Variants in FGF14 observed in about 807,000 individuals in gnomAD.
FGF14 encodes fibroblast growth factor homologous factor 4.
A neutral mutation model predicts 25.5 loss-of-function variants in FGF14; 5 were observed. The ratio of observed to expected loss-of-function variants is 0.20; its 90% CI spans 0.10 to 0.41. FGF14 has a LOEUF of 0.41. Ranked by LOEUF, FGF14 falls within the 10% of genes least tolerant of loss-of-function variation. The probability of loss-of-function intolerance (pLI) is 1.00; values close to 1 mark genes in which losing one functional copy is unlikely to be tolerated. For missense variants in FGF14, 222 were observed against 320.1 expected (o/e 0.69, Z 2.34); for synonymous variants, 138 against 118.3 (o/e 1.17, Z -1.08).
chr13:102,101,564 C>A (rs2044663452), intron 1 of FGF14, among the ~76,000 whole-genome samples: 2 of 152,146 alleles, frequency 1.3e-5, no homozygotes, highest in Admixed American at 6.6e-5. Flanking sequence ...TGTACCCATT[C>A]TTTATCTCAA....
chr13:101,726,948 A>G (rs2035479375), intron 3 of FGF14, 138 bp from the exon 4 acceptor site: 1 of 632,372 alleles, frequency 1.6e-6, no homozygotes, highest in Non-Finnish European at 2.8e-6. Flanking sequence ...CTTCCTGCGC[A>G]CAGTAATTGT....
intron 3 of FGF14, among the ~76,000 whole-genome samples, chr13:101,810,132 G>A (rs1012130377): frequency 1.3e-5 from 2 of 152,110 alleles, no homozygotes; most frequent in Admixed American, 1.3e-4. Flanking sequence ...AGAATTTCTA[G>A]GTCCAAAAGT....
At chr13:102,110,670 A>G (rs551454264) in intron 1 of FGF14, among the ~76,000 whole-genome samples, 3 of 152,048 alleles carry the variant, frequency 2.0e-5, no homozygotes, top group African/African-American at 7.2e-5. Context: ...TGATTTCTCA[A>G]TGTCTGTCAT....
At chr13:102,318,394 C>T (rs1182733970) in intron 1 of FGF14, among the ~76,000 whole-genome samples, 3 of 152,204 alleles carry the variant, frequency 2.0e-5, no homozygotes, top group Non-Finnish European at 4.4e-5. Context: ...GCACCATCAG[C>T]TGCGTGGCCT....
intron 1 of FGF14, among the ~76,000 whole-genome samples, chr13:101,973,616 G>T (rs1176612009): frequency 6.6e-6 from 1 of 152,300 alleles, no homozygotes; most frequent in East Asian, 1.9e-4. Context: ...TTGAGGGCAG[G>T]AAGCATCCAG....
intron 1 of FGF14, among the ~76,000 whole-genome samples, chr13:102,208,441 C>A (rs1946349417): frequency 6.6e-6 from 1 of 152,148 alleles, no homozygotes; most frequent in African/African-American, 2.4e-5. Flanking sequence ...TACATATTAG[C>A]AGATCACACA....
At chr13:102,113,343 T>C (rs762330736) in intron 1 of FGF14, among the ~76,000 whole-genome samples, 5 of 152,206 alleles carry the variant, frequency 3.3e-5, no homozygotes, top group Non-Finnish European at 7.3e-5. Context: ...CTTCCTAACC[T>C]GTCCCTCTGT....
intron 1 of FGF14, among the ~76,000 whole-genome samples, chr13:102,146,131 T>C (rs1454675865): frequency 2.0e-5 from 3 of 152,232 alleles, no homozygotes; most frequent in Non-Finnish European, 4.4e-5. Flanking sequence ...ACAAAGTCAC[T>C]TCACAATGAC....
chr13:102,390,848 G>A (rs1467276938), intron 1 of FGF14, among the ~76,000 whole-genome samples: 2 of 151,976 alleles, frequency 1.3e-5, no homozygotes, highest in Non-Finnish European at 2.9e-5. Context: ...TTCGTTAACG[G>A]GAAAACTAGG....
chr13:102,282,713 C>T (rs1443273838), intron 1 of FGF14, among the ~76,000 whole-genome samples: 1 of 152,012 alleles, frequency 6.6e-6, no homozygotes, highest in Non-Finnish European at 1.5e-5. Context: ...TTTTTGTAAT[C>T]GAATAAATAT....
intron 3 of FGF14, among the ~76,000 whole-genome samples, chr13:101,735,689 C>T (rs1249239785): frequency 2.0e-5 from 3 of 150,130 alleles, no homozygotes; most frequent in Admixed American, 2.0e-4. Context: ...AAAAAAAGCT[C>T]ATTGTTGTTA....
At chr13:102,268,990 T>C (rs1056338685) in intron 1 of FGF14, among the ~76,000 whole-genome samples, 2 of 152,164 alleles carry the variant, frequency 1.3e-5, no homozygotes, top group African/African-American at 4.8e-5. Context: ...CACCTAACAA[T>C]TAGCAATCTG....
intron 1 of FGF14, among the ~76,000 whole-genome samples, chr13:102,239,010 C>T (rs1375296484): frequency 4.0e-5 from 6 of 151,660 alleles, no homozygotes; most frequent in African/African-American, 1.5e-4. Flanking sequence ...ACTCAAAAGA[C>T]GATGGAACTC....
chr13:102,103,726 C>A (rs745387151), intron 1 of FGF14, among the ~76,000 whole-genome samples: 1 of 152,130 alleles, frequency 6.6e-6, no homozygotes, highest in Non-Finnish European at 1.5e-5. Flanking sequence ...TTTTAGAGGT[C>A]CTTTACCTGA....
At chr13:102,119,989 C>T (rs2045644368) in intron 1 of FGF14, among the ~76,000 whole-genome samples, 2 of 152,120 alleles carry the variant, frequency 1.3e-5, no homozygotes, top group African/African-American at 4.8e-5. Context: ...CCATCATGCC[C>T]CACCATCCTG....
At chr13:102,267,697 T>C (rs1416708369) in intron 1 of FGF14, among the ~76,000 whole-genome samples, 1 of 152,118 alleles carries the variant, frequency 6.6e-6, no homozygotes, top group Admixed American at 6.6e-5. Context: ...AAAAATTAGA[T>C]TTAAATAAAC....
chr13:101,929,702 CTTTA>C (rs145880448), intron 1 of FGF14, among the ~76,000 whole-genome samples: 1,780 of 152,254 alleles, frequency 0.012, 41 homozygotes, highest in African/African-American at 0.041. Context: ...TATATGGCAT[CTTTA>C]TTTATATGTG....
rs1218754126 is a variant in FGF14 at position 101,867,932 on chromosome 13, ACACG to A, written c.408+789_408+792del. On this transcript the variant is annotated intron_variant, in intron 3 of 4. Transcript: ENST00000376143. ...CACACACACACACACACACACACAC[ACACG>A]CGCACACACACAATATGTGTATATT... 3.1e-3 allele frequency among the ~76,000 whole-genome samples: 394 copies of A among 126,440 alleles called. 2 individuals are homozygous for A. The East Asian group carries it at 0.035, about 11-fold the overall frequency. The allele number at this position is 126,440 out of a possible 152,430, so 82.9% of individuals were successfully genotyped here. A position where few individuals can be genotyped will look rare whatever the true frequency, so the allele number is the denominator to read the frequency against.
At chr13:102,010,483 C>G (rs1389955995) in intron 1 of FGF14, among the ~76,000 whole-genome samples, 1 of 151,772 alleles carries the variant, frequency 6.6e-6, no homozygotes, top group Non-Finnish European at 1.5e-5. Context: ...TATGATGTAA[C>G]CACTGAGAAA....
Sources: gnomAD v4.1 joint callset for allele counts (sites outside exome capture counted in the v4.1 genomes callset) on GRCh38, gnomAD v4.1.1 for gene constraint, MANE v1.5 for transcripts, NCBI Gene and HGNC (gene_info 2026-07-23, HGNC 2026-07-21) for gene names.